The following CYP3A43 variants were observed in gnomAD, a reference collection of about 807,000 sequenced individuals.
The protein encoded by CYP3A43 is cytochrome P450 family 3 subfamily A member 43, also known as cytochrome P450 3A43.
In CYP3A43, 45 loss-of-function variants were observed where a neutral mutation model predicts 58.0. The observed-to-expected ratio is 0.78, with a 90% CI of 0.61 to 0.99. The LOEUF (loss-of-function observed/expected upper bound fraction) is 0.99, where lower values mean the gene tolerates loss of function less well. Among genes scored for constraint, CYP3A43 ranks in the 50% least tolerant of loss-of-function variants. CYP3A43 has a pLI of 0.00. For missense variants in CYP3A43, 593 were observed against 591.9 expected, an observed-to-expected ratio of 1.00 and a Z score of -0.02; for synonymous variants, 191 against 201.4, an observed-to-expected ratio of 0.95 and a Z score of 0.44.
chr7:99,842,312 C>T (rs1584209961), intron 3 of CYP3A43, among the ~76,000 whole-genome samples: 1 of 152,138 alleles, frequency 6.6e-6, no homozygotes, highest in Non-Finnish European at 1.5e-5. Flanking sequence ...TTTTAGTTTG[C>T]ATTTTCCTGA....
intron 1 of CYP3A43, among the ~76,000 whole-genome samples, chr7:99,830,601 T>C (rs549128743): frequency 2.0e-5 from 3 of 152,374 alleles, no homozygotes; most frequent in East Asian, 3.9e-4. Flanking sequence ...GGAGCACTGA[T>C]GCCTGACAGA....
chr7:99,848,769 C>T (rs564745511), intron 6 of CYP3A43, among the ~76,000 whole-genome samples: 2 of 152,178 alleles, frequency 1.3e-5, no homozygotes, highest in Non-Finnish European at 1.5e-5. Context: ...TTAAAAGACT[C>T]TGTAAAGGCT....
intron 1 of CYP3A43, among the ~76,000 whole-genome samples, chr7:99,832,945 C>T (rs1261505999): frequency 6.6e-6 from 1 of 152,060 alleles, no homozygotes; most frequent in African/African-American, 2.4e-5. Context: ...ACTAATACAC[C>T]TAGAAAGAGA....
At chr7:99,839,272 C>T (rs938607327) in intron 3 of CYP3A43, 100 bp downstream of exon 3, 16 of 1,388,578 alleles carry the variant, frequency 1.2e-5, no homozygotes, top group Admixed American at 3.5e-5. Context: ...TTGGATAATG[C>T]TATTGTCAAC....
intron 9 of CYP3A43, among the ~76,000 whole-genome samples, chr7:99,858,309 C>T (rs1272990135): frequency 1.3e-5 from 2 of 152,140 alleles, no homozygotes; most frequent in Admixed American, 1.3e-4. Context: ...CTCTGTAGAC[C>T]TTTCTCACAC....
chr7:99,865,897 C>T lies in CYP3A43; in HGVS notation c.1417-9C>T, dbSNP rs1236832287. ...ATTGTTTCTGAATATTCTTGTTTAA[C>T]TTTTGCAGATCCCACTGAAATTAGA... On this transcript the variant is annotated splice_polypyrimidine_tract_variant and intron_variant, in intron 12 of 12. Transcript: ENST00000354829. The T allele has an allele frequency of 7.1e-6, 11 of 1,540,860 alleles. No individual in the cohort carries two copies. The highest frequency in any genetic ancestry group is 4.3e-5 in the African/African-American group (2 of 46,944).
At chr7:99,855,450 G>A in intron 7 of CYP3A43, 141 bp from the exon 8 acceptor site, 1 of 1,114,852 alleles carries the variant, frequency 9.0e-7, no homozygotes, top group Middle Eastern at 3.1e-4. Flanking sequence ...CATACAGGAA[G>A]AGGGGCAAAG....
intron 11 of CYP3A43, 97 bp downstream of exon 11, chr7:99,861,936 C>A: frequency 9.0e-7 from 1 of 1,108,028 alleles, no homozygotes; most frequent in Non-Finnish European, 1.3e-6. Flanking sequence ...GAATATGTGC[C>A]TTTTCATTTT....
Position 99,866,044 on chromosome 7 carries a change from C to A in CYP3A43, c.*43C>A. On this transcript the variant is annotated 3_prime_UTR_variant, in exon 13 of 13. Transcript: ENST00000354829. ...CACTTTGTTCAAGAAAGCTGTATCC[C>A]AGAACACTAGACACTTCAAATTGTT... is the stretch of plus-strand genomic sequence containing the variant. 1 of 1,277,246 alleles carries A rather than the reference C, an allele frequency of 7.8e-7. No individual in the cohort carries two copies. Among genetic ancestry groups the A allele is most frequent in the Non-Finnish European group, 1.1e-6 (1 of 899,572 alleles). The allele number at this position is 1,277,246 out of a possible 1,614,324, so 79.1% of individuals were successfully genotyped here.
rs1248477085 is a variant in CYP3A43 at position 99,828,171 on chromosome 7, T to A, written c.56T>A (p.Leu19Gln). 1.2e-6 allele frequency: 2 copies of A among 1,612,824 alleles called. No individual in the cohort carries two copies. Among genetic ancestry groups the A allele is most frequent in the Non-Finnish European group, 1.7e-6 (2 of 1,179,176 alleles). ...ACATGGGTTCTTGTGGCTACCAGCC[T>A]GGTACTCCTCTATATGTGAGTAACT... ...METWVLVATSLVLLYIYGTHS... is the reference protein window; with the variant it reads ...METWVLVATSQVLLYIYGTHS... Residue 19 changes from leucine to glutamine, a missense_variant, in exon 1 of 13, where the codon CTG becomes CAG. Physicochemically the swap from Leu to Gln is moderately radical, Grantham distance 113 (BLOSUM62 -2). Coordinates refer to ENST00000354829, the MANE Select transcript of CYP3A43 (RefSeq NM_057095.3).
Position 99,865,966 on chromosome 7 carries a change from G to A in CYP3A43, c.1477G>A (p.Val493Met). ...ACCAGAAAAACCTATTGTTCTAAAA[G>A]TGCACTTAAGAGATGGGATTACAAG... ...LQPEKPIVLK[V>M]HLRDGITSGP Residue 493 changes from valine to methionine, a missense_variant, in exon 13 of 13, where the codon GTG becomes ATG. Transcript: ENST00000354829. 1 of 1,606,676 alleles carries A rather than the reference G, an allele frequency of 6.2e-7. No individual in the cohort carries two copies. Among genetic ancestry groups the A allele is most frequent in the South Asian group, 1.1e-5 (1 of 88,940 alleles).
At chr7:99,849,794 C>A in intron 7 of CYP3A43, 100 bp downstream of exon 7, 1 of 1,195,656 alleles carries the variant, frequency 8.4e-7, no homozygotes, top group Non-Finnish European at 1.1e-6. Context: ...TATAATTCAC[C>A]TACTTAAAAT....
chr7:99,837,318 CAA>C (rs35566033), intron 2 of CYP3A43, among the ~76,000 whole-genome samples: 12 of 66,674 alleles, frequency 1.8e-4, no homozygotes, highest in Non-Finnish European at 3.4e-4. Flanking sequence ...GACTGTGTCT[CAA>C]AAAAAAAAAA....
chr7:99,856,913 G>C lies in CYP3A43; in HGVS notation c.865+14G>C, dbSNP rs1818003722. 1 of 1,611,042 alleles carries C rather than the reference G, an allele frequency of 6.2e-7. No individual in the cohort carries two copies. The highest frequency in any genetic ancestry group is 8.5e-7 in the Non-Finnish European group (1 of 1,179,122). ...AGTCCCATAAAGGTAACCAAGAACT[G>C]CATCTGGGGGCTACTGATGGGGACA... On this transcript the variant is annotated intron_variant, in intron 9 of 12. Transcript: ENST00000354829.
intron 10 of CYP3A43, 126 bp downstream of exon 10, chr7:99,860,116 G>A: frequency 3.3e-6 from 4 of 1,199,618 alleles, no homozygotes; most frequent in Non-Finnish European, 4.6e-6. Context: ...ACACTATGCA[G>A]AAAGGCTGTA....
chr7:99,855,018 GA>G (rs1156925671), intron 7 of CYP3A43, among the ~76,000 whole-genome samples: 1 of 151,704 alleles, frequency 6.6e-6, no homozygotes, highest in Admixed American at 6.6e-5. Context: ...AAGTAGCTGG[GA>G]CTACAGGCAC....
chr7:99,831,620 G>A (rs763571833), intron 1 of CYP3A43, among the ~76,000 whole-genome samples: 4 of 152,200 alleles, frequency 2.6e-5, no homozygotes, highest in Non-Finnish European at 5.9e-5. Context: ...TCCAGAACCT[G>A]CAATTGATGG....
At chr7:99,842,030 G>A (rs1817353953) in intron 3 of CYP3A43, among the ~76,000 whole-genome samples, 1 of 152,166 alleles carries the variant, frequency 6.6e-6, no homozygotes, top group South Asian at 2.1e-4. Flanking sequence ...GGGAGCCTTT[G>A]AATTAAGACT....
intron 10 of CYP3A43, 60 bp from the exon 11 acceptor site, chr7:99,861,553 G>T: frequency 6.9e-7 from 1 of 1,459,030 alleles, no homozygotes; most frequent in South Asian, 1.2e-5. Context: ...GTACTGCATG[G>T]ACTAAGTTGA....
Sources: gnomAD v4.1 joint callset for allele counts (sites outside exome capture counted in the v4.1 genomes callset) on GRCh38, gnomAD v4.1.1 for gene constraint, MANE v1.5 for transcripts, NCBI Gene and HGNC (gene_info 2026-07-23, HGNC 2026-07-21) for gene names.